The following PTPRO variants were observed in gnomAD, a reference collection of about 807,000 sequenced individuals.
PTPRO encodes protein tyrosine phosphatase receptor type O.
Under a neutral mutation model 145.2 loss-of-function variants are expected in PTPRO, and 62 were observed. The ratio of observed to expected loss-of-function variants is 0.43; its 90% confidence interval spans 0.35 to 0.53. PTPRO has a LOEUF of 0.53. Ranked by LOEUF, PTPRO falls within the 20% of genes least tolerant of loss-of-function variation. The pLI is 0.01. For missense variants in PTPRO, 1,345 were observed against 1,482.7 expected (o/e 0.91, Z 1.53); for synonymous variants, 565 against 514.7 (o/e 1.10, Z -1.32).
At chr12:15,424,510 A>G (rs577881780) in intron 1 of PTPRO, among the ~76,000 whole-genome samples, 1 of 152,214 alleles carries the variant, frequency 6.6e-6, no homozygotes, top group South Asian at 2.1e-4. Flanking sequence ...GAAATAAACT[A>G]GTGATGGCCT....
chr12:15,485,630 G>A (rs926129967), intron 2 of PTPRO, among the ~76,000 whole-genome samples: 1 of 152,116 alleles, frequency 6.6e-6, no homozygotes, highest in Admixed American at 6.6e-5. Flanking sequence ...TGTAATGACG[G>A]TCGCTGATCC....
At chr12:15,467,962 C>T (rs1941454741) in intron 1 of PTPRO, among the ~76,000 whole-genome samples, 1 of 152,164 alleles carries the variant, frequency 6.6e-6, no homozygotes, top group Admixed American at 6.5e-5. Context: ...TGTCCTCTGC[C>T]CTCCTCACCA....
At chr12:15,451,407 A>G (rs1244543920) in intron 1 of PTPRO, among the ~76,000 whole-genome samples, 4 of 152,178 alleles carry the variant, frequency 2.6e-5, no homozygotes, top group Non-Finnish European at 4.4e-5. Flanking sequence ...GGAGACTTCA[A>G]TATTCCACTG....
chr12:15,524,292 T>C (rs962191906), intron 10 of PTPRO, among the ~76,000 whole-genome samples: 2 of 152,166 alleles, frequency 1.3e-5, no homozygotes, highest in African/African-American at 4.8e-5. Context: ...TGTTATTTTA[T>C]GCAAATAACA....
chr12:15,423,445 A>G (rs1046205009), intron 1 of PTPRO, among the ~76,000 whole-genome samples: 1 of 152,182 alleles, frequency 6.6e-6, no homozygotes, highest in African/African-American at 2.4e-5. Flanking sequence ...TATTTCTCAT[A>G]GAAGTGTAAA....
chr12:15,349,187 G>A (rs981085928), intron 1 of PTPRO, among the ~76,000 whole-genome samples: 4 of 152,178 alleles, frequency 2.6e-5, no homozygotes, highest in African/African-American at 4.8e-5. Context: ...TCTATTTGGA[G>A]TGGGATCAGG....
At chr12:15,445,258 G>A (rs1031777934) in intron 1 of PTPRO, among the ~76,000 whole-genome samples, 11 of 151,926 alleles carry the variant, frequency 7.2e-5, no homozygotes, top group African/African-American at 2.2e-4. Context: ...TGCTAATTTT[G>A]TACAGTGGTC....
At position 15,428,082 on chromosome 12, in the gene PTPRO, TC is replaced by T. The variant is rs572248856; in HGVS notation, c.76-55890del. 4.8e-3 allele frequency among the ~76,000 whole-genome samples: 733 copies of T among 152,278 alleles called. 8 individuals are homozygous for T. Among genetic ancestry groups the T allele is most frequent in the African/African-American group, 0.017 (712 of 41,562 alleles). On this transcript the variant is annotated intron_variant, in intron 1 of 26. Transcript: ENST00000281171. ...AGAGAGAAATGTGTGGGTCTGGTTT[TC>T]CTTTTCTTGTTATGCAAGCAGGAAG... is the stretch of plus-strand genomic sequence containing the variant.
At chr12:15,548,966 A>G in intron 13 of PTPRO, 128 bp from the exon 14 acceptor site, 1 of 1,047,194 alleles carries the variant, frequency 9.5e-7, no homozygotes, top group Non-Finnish European at 1.4e-6. Flanking sequence ...AACATTTTTC[A>G]ATGCTATTCT....
intron 1 of PTPRO, among the ~76,000 whole-genome samples, chr12:15,474,809 T>G (rs1941619350): frequency 6.6e-6 from 1 of 152,166 alleles, no homozygotes; most frequent in South Asian, 2.1e-4. Flanking sequence ...CAGCGTACAC[T>G]CAGAATTTTC....
At chr12:15,447,548 G>A (rs1261988339) in intron 1 of PTPRO, among the ~76,000 whole-genome samples, 3 of 151,930 alleles carry the variant, frequency 2.0e-5, no homozygotes, top group Admixed American at 1.3e-4. Flanking sequence ...ATTAGATGTA[G>A]GATTAAAAAA....
At chr12:15,363,250 G>A (rs1366807579) in intron 1 of PTPRO, among the ~76,000 whole-genome samples, 1 of 152,158 alleles carries the variant, frequency 6.6e-6, no homozygotes, top group Non-Finnish European at 1.5e-5. Context: ...CAATACCTTA[G>A]TTTTGCAAGA....
intron 1 of PTPRO, among the ~76,000 whole-genome samples, chr12:15,349,061 C>A (rs749260154): frequency 5.9e-5 from 9 of 152,000 alleles, no homozygotes; most frequent in Non-Finnish European, 1.0e-4. Flanking sequence ...AATAGTCTGA[C>A]CTGCAAAACA....
intron 1 of PTPRO, among the ~76,000 whole-genome samples, chr12:15,336,552 G>A (rs1419232158): frequency 1.3e-5 from 2 of 152,104 alleles, no homozygotes; most frequent in African/African-American, 2.4e-5. Context: ...TATATTGGCA[G>A]GCATTTATTT....
rs567596496 is a variant in PTPRO, at chr12:15,433,059, T to A, written c.76-50915T>A. On this transcript the variant is annotated intron_variant, in intron 1 of 26. Transcript: ENST00000281171. The stretch of plus-strand genomic sequence containing the variant: ...AGTTTAATTAGATCCCAATTGTTAA[T>A]TTTTGCTTTTGTCACAATTATTTTT... Among the ~76,000 whole-genome samples the A allele has an allele frequency of 9.5e-4, 145 of 152,286 alleles. 2 individuals are homozygous for A. Among genetic ancestry groups the A allele is most frequent in the Non-Finnish European group, 5.3e-4 (36 of 68,026 alleles).
chr12:15,377,954 G>A (rs898933982), intron 1 of PTPRO, among the ~76,000 whole-genome samples: 12 of 152,010 alleles, frequency 7.9e-5, no homozygotes, highest in Non-Finnish European at 1.3e-4. Context: ...GAATGAAAAT[G>A]AGAATGTAAC....
At chr12:15,526,400 C>A in intron 12 of PTPRO, 138 bp downstream of exon 12, 1 of 1,171,100 alleles carries the variant, frequency 8.5e-7, no homozygotes, top group Non-Finnish European at 1.2e-6. Context: ...GACATTTGTA[C>A]TAGCAAAAGG....
At chr12:15,388,266 T>G (rs1939085739) in intron 1 of PTPRO, among the ~76,000 whole-genome samples, 1 of 152,018 alleles carries the variant, frequency 6.6e-6, no homozygotes, top group Non-Finnish European at 1.5e-5. Context: ...CAAAAAAAAA[T>G]CAAGGAAAAA....
In PTPRO at chr12:15,437,075, G is replaced by T. The variant is rs192375221; in HGVS notation, c.76-46899G>T. Among the ~76,000 whole-genome samples, 212 of 151,638 alleles carry T rather than the reference G, an allele frequency of 1.4e-3. 2 individuals carry two copies. The highest frequency in any genetic ancestry group is 0.014 in the Admixed American group (208 of 15,260). ...GGAACACCTGCTTGCCTGGACCGGT[G>T]GTCTGAGCCACACCACCCTTCCTTG... On this transcript the variant is annotated intron_variant, in intron 1 of 26. Transcript: ENST00000281171.
Sources: gnomAD v4.1 joint callset for allele counts (sites outside exome capture counted in the v4.1 genomes callset) on GRCh38, gnomAD v4.1.1 for gene constraint, MANE v1.5 for transcripts, NCBI Gene and HGNC (gene_info 2026-07-23, HGNC 2026-07-21) for gene names.